Variants in AFP observed in about 807,000 individuals in gnomAD.
AFP encodes the protein alpha-fetoprotein.
In AFP, 64 loss-of-function variants were observed where a neutral mutation model predicts 78.9. The observed-to-expected ratio is 0.81, with a 90% CI of 0.66 to 1.00. The LOEUF (loss-of-function observed/expected upper bound fraction) is 1.00, where lower values mean the gene tolerates loss of function less well. AFP is among the 50% of genes least tolerant of loss of function. The pLI is 0.00. For missense variants in AFP, 689 were observed against 703.8 expected (o/e 0.98, Z 0.24); for synonymous variants, 254 against 243.8 (o/e 1.04, Z -0.39).
At chr4:73,449,283 C>A (rs778438327) in intron 8 of AFP, 52 bp from the exon 9 acceptor site, 5 of 1,551,044 alleles carry the variant, frequency 3.2e-6, no homozygotes, top group African/African-American at 1.4e-5. Context: ...GTGATGGCTC[C>A]TTTTGTCTCT....
intron 10 of AFP, 59 bp downstream of exon 10, chr4:73,450,192 T>A: frequency 7.8e-7 from 1 of 1,278,584 alleles, no homozygotes; most frequent in Non-Finnish European, 1.1e-6. Context: ...AATGTAGCCT[T>A]CCCCATTCTC....
Position 73,438,243 on chromosome 4 carries a change from T to C in AFP, c.207T>C (p.Asp69=). ...AGGAAGTAAGCAAAATGGTGAAAGA[T>C]GCATTGACTGCAATTGAGAAACCCA... ...TYKEVSKMVK[D]ALTAIEKPTG... The change falls in exon 3 of 15, where the codon GAT becomes GAC. Residue 69 remains aspartate (D), a synonymous_variant. Coordinates refer to ENST00000395792, the MANE Select transcript of AFP (RefSeq NM_001134.3). The C allele has an allele frequency of 6.2e-7, 1 of 1,613,544 alleles. No individual in the cohort carries two copies. Among genetic ancestry groups the C allele is most frequent in the Non-Finnish European group, 8.5e-7 (1 of 1,179,594 alleles).
intron 12 of AFP, among the ~76,000 whole-genome samples, chr4:73,452,841 T>A (rs1720044402): frequency 6.6e-6 from 1 of 152,204 alleles, no homozygotes; most frequent in Non-Finnish European, 1.5e-5. Context: ...ATTTCCTGTT[T>A]GTAAAAATAA....
In AFP at chr4:73,436,279, C is replaced by G. The variant is rs772124754; in HGVS notation, c.17C>G (p.Ser6Ter). MKWVE[S>*]IFLIFLLNFT... ...CTAGCAACCATGAAGTGGGTGGAAT[C>G]AATTTTTTTAATTTTCCTACTAAAT... The change falls in exon 1 of 15, where the codon TCA (serine) becomes TGA (stop). Residue 6 changes from serine to a stop codon, truncating the protein, a stop_gained. Coordinates refer to ENST00000395792, the MANE Select transcript of AFP (RefSeq NM_001134.3). LOFTEE classifies it high-confidence loss of function. The G allele has an allele frequency of 1.2e-6, 2 of 1,601,564 alleles. No individual in the cohort carries two copies. The highest frequency in any genetic ancestry group is 1.7e-6 in the Non-Finnish European group (2 of 1,170,190).
At chr4:73,449,863 T>C (rs531727682) in intron 9 of AFP, among the ~76,000 whole-genome samples, 173 bp from the exon 10 acceptor site, 89 of 152,332 alleles carry the variant, frequency 5.8e-4, no homozygotes, top group Admixed American at 3.3e-3. Flanking sequence ...AATGTTAAAC[T>C]TAATCTCCCC....
chr4:73,447,852 T>C (rs1022013390), intron 8 of AFP, among the ~76,000 whole-genome samples, 176 bp downstream of exon 8: 12 of 152,116 alleles, frequency 7.9e-5, no homozygotes, highest in African/African-American at 2.9e-4. Context: ...GAATAAGTAA[T>C]GGGATTTGGT....
Position 73,440,802 on chromosome 4 carries a change from A to T in AFP, c.471A>T (p.Thr157=). ...SCEAYEEDRE[T]FMNKFIYEIA... ...AAGCATATGAAGAAGACAGGGAGAC[A>T]TTCATGAACAAGTAAGGATCCAGTT... The change falls in exon 4 of 15, where the codon ACA becomes ACT. Residue 157 remains threonine, a synonymous_variant. Coordinates refer to ENST00000395792, the MANE Select transcript of AFP (RefSeq NM_001134.3). The T allele has an allele frequency of 6.2e-7, 1 of 1,613,530 alleles. No individual in the cohort carries two copies. The highest frequency in any genetic ancestry group is 8.5e-7 in the Non-Finnish European group (1 of 1,179,618).
chr4:73,445,953 T>G (rs1391792395), intron 7 of AFP, among the ~76,000 whole-genome samples: 1 of 152,120 alleles, frequency 6.6e-6, no homozygotes, highest in East Asian at 1.9e-4. Flanking sequence ...CCAAAGAGAT[T>G]AAAATCCAAG....
At chr4:73,450,514 A>G in intron 10 of AFP, 101 bp from the exon 11 acceptor site, 1 of 1,558,126 alleles carries the variant, frequency 6.4e-7, no homozygotes, top group Non-Finnish European at 8.8e-7. Context: ...AGCTGACCTC[A>G]TGTCTTCTGG....
At chr4:73,451,511 T>C (rs1342087580) in intron 11 of AFP, among the ~76,000 whole-genome samples, 2 of 152,238 alleles carry the variant, frequency 1.3e-5, no homozygotes, top group African/African-American at 2.4e-5. Flanking sequence ...AGGAGAGTTC[T>C]TGTGATTAAA....
chr4:73,450,006 A>T, intron 9 of AFP, 30 bp from the exon 10 acceptor site: 1 of 1,515,332 alleles, frequency 6.6e-7, no homozygotes, highest in South Asian at 1.2e-5. Context: ...AGAAAAGAAA[A>T]ATGTATATGT....
chr4:73,451,555 T>G (rs991708725), intron 11 of AFP, among the ~76,000 whole-genome samples: 1 of 152,212 alleles, frequency 6.6e-6, no homozygotes, highest in Non-Finnish European at 1.5e-5. Flanking sequence ...TTTCCCATGC[T>G]GGGAGGCTGC....
chr4:73,448,300 C>T (rs1195321533), intron 8 of AFP, among the ~76,000 whole-genome samples: 1 of 152,164 alleles, frequency 6.6e-6, no homozygotes, highest in Non-Finnish European at 1.5e-5. Flanking sequence ...CAAGTTAATA[C>T]GTTTTCCTTC....
chr4:73,450,578 G>A lies in AFP; in HGVS notation c.1290-37G>A, dbSNP rs776079702. On this transcript the variant is annotated intron_variant, in intron 10 of 14. Coordinates refer to ENST00000395792, the MANE Select transcript of AFP (RefSeq NM_001134.3). ...GCAAGGCGGCTAAAAACTCATGAAT[G>A]ACTCAGCAGGACTTAGTTAAAAAAT... 4 of 1,613,744 alleles carry A rather than the reference G, an allele frequency of 2.5e-6. No homozygotes were observed. In the East Asian group the frequency reaches 8.9e-5, roughly 36 times the overall value.
rs1577958996 is a variant in AFP at position 73,451,468 on chromosome 4, TCA to T, written c.1428+716_1428+717del. On this transcript the variant is annotated intron_variant, in intron 11 of 14. Transcript: ENST00000395792. ...GAGTTATTTGCTGTTAGTCTTCATG[TCA>T]TACATTTTTTCCCCAAAGGTTAAGA... Among the ~76,000 whole-genome samples the T allele has an allele frequency of 2.0e-5, 3 of 152,226 alleles. No individual in the cohort carries two copies. The East Asian group carries it at 5.8e-4, about 29-fold the overall frequency.
chr4:73,442,083 T>G (rs1380727139), intron 4 of AFP, among the ~76,000 whole-genome samples: 1 of 152,174 alleles, frequency 6.6e-6, no homozygotes, highest in African/African-American at 2.4e-5. Flanking sequence ...CTGTCAGATA[T>G]TTTTCCCCCC....
chr4:73,446,247 A>G (rs1327591285), intron 7 of AFP, among the ~76,000 whole-genome samples: 4 of 152,192 alleles, frequency 2.6e-5, no homozygotes, highest in Admixed American at 6.5e-5. Flanking sequence ...AAAACCAACA[A>G]GAAGTATTTT....
chr4:73,449,580 T>A (rs1481937074), intron 9 of AFP, 113 bp downstream of exon 9: 23 of 1,270,026 alleles, frequency 1.8e-5, no homozygotes, highest in African/African-American at 3.0e-5. Flanking sequence ...GCCAGTTATA[T>A]CTATTTGTCT....
rs949498926 is a variant in AFP at position 73,455,956 on chromosome 4, A to G, written c.*336A>G. The stretch of plus-strand genomic sequence containing the variant: ...ACTTGGTGAACTGAAAAATGTTCCC[A>G]AGTTAAACACTATTTGATGCTACCA... On this transcript the variant is annotated 3_prime_UTR_variant, in exon 15 of 15. Coordinates refer to ENST00000395792, the MANE Select transcript of AFP (RefSeq NM_001134.3). The G allele has an allele frequency of 1.9e-5, 6 of 320,098 alleles. No homozygotes were observed. The highest frequency in any genetic ancestry group is 1.3e-4 in the African/African-American group (6 of 45,864). The allele number at this position is 320,098 out of a possible 1,614,324, so 19.8% of individuals were successfully genotyped here.
Sources: gnomAD v4.1 joint callset for allele counts (sites outside exome capture counted in the v4.1 genomes callset) on GRCh38, gnomAD v4.1.1 for gene constraint, MANE v1.5 for transcripts, NCBI Gene and HGNC (gene_info 2026-07-23, HGNC 2026-07-21) for gene names.